GBP6: variants seen among roughly 807,000 people sequenced by gnomAD.
GBP6 encodes the protein guanylate-binding protein 6.
Under a neutral mutation model 61.5 loss-of-function variants are expected in GBP6, and 54 were observed. That is an observed-to-expected ratio of 0.88 (90% CI 0.71 to 1.10). GBP6 has a LOEUF of 1.10. Ranked by LOEUF, GBP6 falls within the 50% of genes least tolerant of loss-of-function variation. The pLI is 0.00. For missense variants in GBP6, 748 were observed against 752.8 expected (o/e 0.99, Z 0.07); for synonymous variants, 255 against 273.7 (o/e 0.93, Z 0.67).
intron 1 of GBP6, among the ~76,000 whole-genome samples, chr1:89,367,701 G>C (rs1652503131): frequency 1.3e-5 from 2 of 152,198 alleles, no homozygotes; most frequent in South Asian, 4.1e-4. Flanking sequence ...CAGTGGTTTT[G>C]ATATCATACA....
Position 89,368,550 on chromosome 1 carries a change from C to T in GBP6, c.-2C>T. 1 of 1,612,782 alleles carries T rather than the reference C, an allele frequency of 6.2e-7. No homozygotes were observed. Among genetic ancestry groups the T allele is most frequent in the Non-Finnish European group, 8.5e-7 (1 of 1,179,110 alleles). On this transcript the variant is annotated 5_prime_UTR_variant, in exon 2 of 11. Transcript: ENST00000370456. ...GGAGGCTCTTCTAGGTTGGCAGTTG[C>T]CATGGAATCTGGACCCAAAATGTTG...
chr1:89,369,348 A>G lies in GBP6; in HGVS notation c.191-198A>G, dbSNP rs145710638. Among the ~76,000 whole-genome samples, 1,103 of 152,278 alleles carry G rather than the reference A, an allele frequency of 7.2e-3. 17 individuals are homozygous for G. Among genetic ancestry groups the G allele is most frequent in the African/African-American group, 0.025 (1,020 of 41,568 alleles). On this transcript the variant is annotated intron_variant, in intron 2 of 10. Coordinates refer to ENST00000370456, the MANE Select transcript of GBP6 (RefSeq NM_198460.3). ...CTCTTTGTCTCCATTTTGAGCCGTT[A>G]CTTGGCATCATTCTCACATTTAATG...
chr1:89,370,963 T>A (rs1443323240), intron 3 of GBP6, among the ~76,000 whole-genome samples: 1 of 152,180 alleles, frequency 6.6e-6, no homozygotes, highest in African/African-American at 2.4e-5. Context: ...ATAACTGAAA[T>A]TTTGAACTCT....
At chr1:89,379,346 TG>T (rs59888599) in intron 5 of GBP6, among the ~76,000 whole-genome samples, 15,671 of 151,254 alleles carry the variant, frequency 0.1, 1,076 homozygotes, top group Middle Eastern at 0.16. Context: ...CCTCCAACAT[TG>T]GGGGGGGGGG....
intron 3 of GBP6, among the ~76,000 whole-genome samples, chr1:89,372,120 C>T (rs371839218): frequency 6.6e-6 from 1 of 152,088 alleles, no homozygotes; most frequent in African/African-American, 2.4e-5. Flanking sequence ...ATGTGAAGGA[C>T]CTCTTCAAGG....
rs141274973 is a variant in GBP6, at chr1:89,380,558, C to T, written c.798C>T (p.Asn266=). 5.2e-5 allele frequency: 84 copies of T among 1,614,038 alleles called. 1 individual carries two copies. In the African/African-American group the frequency reaches 7.2e-4, roughly 14 times the overall value. Residue 266 remains asparagine (N), a synonymous_variant, in exon 6 of 11, where the codon AAC becomes AAT. Coordinates refer to ENST00000370456, the MANE Select transcript of GBP6 (RefSeq NM_198460.3). ...ATCCCAAATTCCAGGAACAAACAAA[C>T]ATTTTCTGTTCTTACATCTTCACTC... ...QLDPKFQEQT[N]IFCSYIFTHA...
At chr1:89,365,214 T>C (rs984229230) in intron 1 of GBP6, among the ~76,000 whole-genome samples, 1 of 152,210 alleles carries the variant, frequency 6.6e-6, no homozygotes, top group Non-Finnish European at 1.5e-5. Context: ...CTGAATAGGA[T>C]TGAACAGCTG....
intron 7 of GBP6, among the ~76,000 whole-genome samples, chr1:89,382,308 C>T (rs570692520): frequency 6.6e-5 from 10 of 152,246 alleles, no homozygotes; most frequent in Non-Finnish European, 1.2e-4. Flanking sequence ...CTTACCAGAT[C>T]GTAATTCCGG....
chr1:89,382,298 C>T (rs1211667932), intron 7 of GBP6, among the ~76,000 whole-genome samples: 2 of 152,200 alleles, frequency 1.3e-5, no homozygotes, highest in African/African-American at 4.8e-5. Context: ...CAAAGATTCT[C>T]TTACCAGATC....
At chr1:89,377,587 T>C (rs1652842094) in intron 3 of GBP6, among the ~76,000 whole-genome samples, 1 of 152,230 alleles carries the variant, frequency 6.6e-6, no homozygotes, top group South Asian at 2.1e-4. Context: ...GAATTCATCA[T>C]TATGAAAGTT....
At chr1:89,375,103 G>T (rs114832796) in intron 3 of GBP6, among the ~76,000 whole-genome samples, 2,577 of 152,214 alleles carry the variant, frequency 0.017, 39 homozygotes, top group Non-Finnish European at 0.025. Context: ...ACATGATTTT[G>T]TTCTTCTTTA....
rs752593753 is a variant in GBP6, at chr1:89,380,386, G to T, written c.626G>T (p.Gly209Val). The change falls in exon 6 of 11, where the codon GGC becomes GTC. Residue 209 changes from glycine to valine, a missense_variant and splice_region_variant. Gly to Val is a moderately radical substitution (Grantham distance 109). Transcript: ENST00000370456. ...YLENALKLIQ[G>V]NNPRVQTSNF... The stretch of plus-strand genomic sequence containing the variant: ...TTCTCTGTTTTTTTTTATCCCTCAG[G>T]CAATAATCCCAGAGTTCAAACATCC... 5.0e-6 allele frequency: 8 copies of T among 1,611,882 alleles called. No homozygotes were observed. In the South Asian group the frequency reaches 6.6e-5, roughly 13 times the overall value.
chr1:89,383,593 A>G (rs373962877), intron 8 of GBP6, 59 bp from the exon 9 acceptor site: 3 of 1,207,526 alleles, frequency 2.5e-6, no homozygotes, highest in Non-Finnish European at 2.4e-6. Flanking sequence ...TTCTTGCAAC[A>G]CTAATACCCA....
chr1:89,378,986 T>C (rs1022892916), intron 5 of GBP6, among the ~76,000 whole-genome samples: 1 of 152,208 alleles, frequency 6.6e-6, no homozygotes, highest in Non-Finnish European at 1.5e-5. Flanking sequence ...ATGAAAAGCC[T>C]ATCTAATAAA....
At chr1:89,374,518 T>C (rs1001870924) in intron 3 of GBP6, among the ~76,000 whole-genome samples, 4 of 152,320 alleles carry the variant, frequency 2.6e-5, no homozygotes, top group African/African-American at 9.6e-5. Context: ...ACTTTTTCCA[T>C]AATAGCTGCA....
chr1:89,379,426 ATTC>A (rs1378252277), intron 5 of GBP6, among the ~76,000 whole-genome samples: 6 of 152,138 alleles, frequency 3.9e-5, no homozygotes, highest in African/African-American at 1.4e-4. Context: ...CACAGATATT[ATTC>A]TTCTCATGGA....
At position 89,381,860 on chromosome 1, in the gene GBP6, A is replaced by G; in HGVS notation, c.1038A>G (p.Thr346=). 6.2e-7 allele frequency: 1 copy of G among 1,614,158 alleles called. No individual in the cohort carries two copies. Among genetic ancestry groups the G allele is most frequent in the South Asian group, 1.1e-5 (1 of 91,084 alleles). The change falls in exon 7 of 11, where the codon ACA becomes ACG. Residue 346 remains threonine (T), a synonymous_variant. Transcript: ENST00000370456. The part of the protein sequence containing the change: ...QQMAQRVKLP[T]DTLQELLDMH... ...TGGCCCAGCGAGTGAAGCTCCCCAC[A>G]GACACGCTCCAGGAGCTGCTGGACA...
At chr1:89,384,441 T>A (rs898841243) in intron 10 of GBP6, among the ~76,000 whole-genome samples, 155 bp downstream of exon 10, 5 of 152,166 alleles carry the variant, frequency 3.3e-5, no homozygotes, top group African/African-American at 1.2e-4. Flanking sequence ...TTCTTAATTG[T>A]TTCAGTAAGA....
chr1:89,371,600 A>G (rs1365690328), intron 3 of GBP6, among the ~76,000 whole-genome samples: 1 of 152,256 alleles, frequency 6.6e-6, no homozygotes, highest in Non-Finnish European at 1.5e-5. Context: ...AAGGCCTTTG[A>G]CAAAATCCAA....
Sources: gnomAD v4.1 joint callset for allele counts (sites outside exome capture counted in the v4.1 genomes callset) on GRCh38, gnomAD v4.1.1 for gene constraint, MANE v1.5 for transcripts, NCBI Gene and HGNC (gene_info 2026-07-23, HGNC 2026-07-21) for gene names.